Variants in STAU1 observed in about 807,000 individuals in gnomAD.
STAU1 encodes staufen double-stranded RNA binding protein 1.
In STAU1, 13 loss-of-function variants were observed where a neutral mutation model predicts 62.9. The ratio of observed to expected loss-of-function variants is 0.21; its 90% CI spans 0.13 to 0.33. The LOEUF is 0.33. Ranked by LOEUF, STAU1 falls within the 10% of genes least tolerant of loss-of-function variation. The pLI is 1.00. For synonymous variants in STAU1, 269 were observed against 265.1 expected, an observed-to-expected ratio of 1.01 and a Z score of -0.14; for missense variants, 571 against 712.1, an observed-to-expected ratio of 0.80 and a Z score of 2.25.
Position 49,177,805 on chromosome 20 carries a change from AAGAG to A in STAU1, c.-159-3540_-159-3537del, listed in dbSNP as rs199515885. ...ACCATCATCAACTTAGCAAAGAAAG[AAGAG>A]AGAGAGAGAGGGGAGAAATACAGCA... On this transcript the variant is annotated intron_variant, in intron 1 of 13. Coordinates refer to ENST00000371856, the MANE Select transcript of STAU1 (RefSeq NM_017453.4). 4.0e-5 allele frequency among the ~76,000 whole-genome samples: 6 copies of A among 151,380 alleles called. 1 individual carries two copies. In the South Asian group the frequency reaches 6.2e-4, roughly 16 times the overall value.
chr20:49,197,590 G>A, the STAU1 span, among the ~76,000 whole-genome samples: 2 of 151,582 alleles, frequency 1.3e-5, no homozygotes, highest in Non-Finnish European at 2.9e-5. Context: ...TAGTAGAGAC[G>A]GGGGTTTTGC....
chr20:49,206,383 C>T, the STAU1 span, among the ~76,000 whole-genome samples: 1 of 148,464 alleles, frequency 6.7e-6, no homozygotes, highest in African/African-American at 2.5e-5. Flanking sequence ...ACAATGTCCA[C>T]TCAACTCTTC....
At chr20:49,168,485 T>G (rs1200663314) in intron 2 of STAU1, among the ~76,000 whole-genome samples, 1 of 152,080 alleles carries the variant, frequency 6.6e-6, no homozygotes, top group African/African-American at 2.4e-5. Flanking sequence ...CTTAAAGGAC[T>G]TAACATCTAA....
intron 12 of STAU1, among the ~76,000 whole-genome samples, chr20:49,116,072 C>T (rs1166672663): frequency 6.6e-6 from 1 of 152,190 alleles, no homozygotes. Flanking sequence ...ATCATAACCT[C>T]TGAAAATGTT....
At chr20:49,122,561 C>A (rs1039868243) in intron 8 of STAU1, among the ~76,000 whole-genome samples, 1 of 152,102 alleles carries the variant, frequency 6.6e-6, no homozygotes, top group Non-Finnish European at 1.5e-5. Context: ...TGATATGTAG[C>A]CTTTACAGAT....
chr20:49,138,892 C>G (rs2092947767), intron 5 of STAU1, among the ~76,000 whole-genome samples: 1 of 151,992 alleles, frequency 6.6e-6, no homozygotes, highest in Non-Finnish European at 1.5e-5. Flanking sequence ...AGCAAGGTAC[C>G]TTAAAGGCTG....
the STAU1 span, among the ~76,000 whole-genome samples, chr20:49,200,540 G>T: frequency 6.6e-6 from 1 of 151,842 alleles, no homozygotes; most frequent in South Asian, 2.1e-4. Flanking sequence ...GGCGGAGCTT[G>T]CAGTGAGCCG....
chr20:49,204,619 TATATGTGTATATATATATATA>T, the STAU1 span, among the ~76,000 whole-genome samples: 9 of 48,000 alleles, frequency 1.9e-4, no homozygotes, highest in Non-Finnish European at 3.5e-4. Flanking sequence ...TATATATATA[TATATGTGTATATATATATATA>T]TATATATTTT....
At chr20:49,219,101 T>C in the STAU1 span, among the ~76,000 whole-genome samples, 1 of 152,072 alleles carries the variant, frequency 6.6e-6, no homozygotes, top group African/African-American at 2.4e-5. Context: ...TATTGTATTT[T>C]CTTCCACAGC....
At chr20:49,165,881 C>G in intron 3 of STAU1, 116 bp downstream of exon 3, 1 of 1,033,292 alleles carries the variant, frequency 9.7e-7, no homozygotes, top group Non-Finnish European at 1.5e-6. Context: ...GGTGGTGATA[C>G]TTTCTTTTGC....
At chr20:49,142,110 G>A (rs2093020847) in intron 5 of STAU1, among the ~76,000 whole-genome samples, 1 of 152,068 alleles carries the variant, frequency 6.6e-6, no homozygotes, top group Non-Finnish European at 1.5e-5. Flanking sequence ...TTTTTGAGAT[G>A]AAGTCTCGCT....
the STAU1 span, among the ~76,000 whole-genome samples, chr20:49,206,127 C>T: frequency 2.7e-4 from 41 of 150,094 alleles, no homozygotes; most frequent in Admixed American, 2.2e-3. Flanking sequence ...GGACTACAGG[C>T]GCTCGCCACC....
rs748369242 is a variant in STAU1 at position 49,118,064 on chromosome 20, G to C, written c.1222C>G (p.Leu408Val). 4 of 1,614,132 alleles carry C rather than the reference G, an allele frequency of 2.5e-6. No homozygotes were observed. Among genetic ancestry groups the C allele is most frequent in the East Asian group, 2.2e-5 (1 of 44,886 alleles). Residue 408 changes from leucine to valine, a missense_variant, in exon 11 of 14, where the codon CTA (leucine) becomes GTA (valine). Transcript: ENST00000371856. ...CCAGCAGGCAGCTGCTGATGACTTA[G>C]ATAAGGCATCCTGAACTCATCCTCT... ...NKEDEFRMPY[L>V]SHQQLPAGIL...
intron 8 of STAU1, among the ~76,000 whole-genome samples, chr20:49,122,492 T>A (rs2092485775): frequency 1.3e-5 from 2 of 152,238 alleles, no homozygotes; most frequent in African/African-American, 4.8e-5. Flanking sequence ...CCAGCAGTAG[T>A]GCTGGTGTGC....
At chr20:49,129,260 T>C (rs2092698317) in intron 6 of STAU1, among the ~76,000 whole-genome samples, 1 of 147,612 alleles carries the variant, frequency 6.8e-6, no homozygotes, top group African/African-American at 2.5e-5. Context: ...GACTACCTGC[T>C]AGAATGACTT....
the STAU1 span, among the ~76,000 whole-genome samples, chr20:49,217,657 G>GTT: frequency 1.5e-5 from 2 of 135,164 alleles, no homozygotes; most frequent in South Asian, 2.5e-4. Flanking sequence ...AGCCCATCCT[G>GTT]TTTTTTTTTT....
Position 49,142,853 on chromosome 20 carries a change from A to G in STAU1, c.511-6922T>C, listed in dbSNP as rs2093039412. 2.0e-5 allele frequency among the ~76,000 whole-genome samples: 3 copies of G among 152,294 alleles called. No homozygotes were observed. The South Asian group carries it at 6.2e-4, about 32-fold the overall frequency. On this transcript the variant is annotated intron_variant, in intron 5 of 13. Coordinates refer to ENST00000371856, the MANE Select transcript of STAU1 (RefSeq NM_017453.4). ...GCCTCAGCTCTGTGCCCTCAGCTGC[A>G]GTGCAATGGCATAATCAGAGCTCAC...
intron 3 of STAU1, among the ~76,000 whole-genome samples, chr20:49,155,801 ATT>A (rs1322413951): frequency 6.6e-6 from 1 of 152,246 alleles, no homozygotes; most frequent in African/African-American, 2.4e-5. Flanking sequence ...GATCCACAGA[ATT>A]TGTCTGCAAT....
intron 3 of STAU1, among the ~76,000 whole-genome samples, chr20:49,163,001 G>A (rs2093472258): frequency 6.6e-6 from 1 of 151,584 alleles, no homozygotes; most frequent in Admixed American, 6.6e-5. Context: ...AAACCATCCT[G>A]GCCAACATGG....
Sources: allele counts gnomAD v4.1 joint callset (sites outside exome capture counted in the v4.1 genomes callset), GRCh38; gene constraint gnomAD v4.1.1; transcripts MANE v1.5; gene names NCBI Gene and HGNC (gene_info 2026-07-23, HGNC 2026-07-21).